The following TNIK variants were observed in gnomAD, a reference collection of about 807,000 sequenced individuals.
TNIK encodes the protein TRAF2 and NCK-interacting protein kinase.
Under a neutral mutation model 191.3 loss-of-function variants are expected in TNIK, and 49 were observed. The observed-to-expected ratio is 0.26, with a 90% CI of 0.20 to 0.32. TNIK has a LOEUF of 0.32. Among genes scored for constraint, TNIK ranks in the 10% least tolerant of loss-of-function variants. TNIK has a pLI of 1.00. For missense variants in TNIK, 1,155 were observed against 1,702.3 expected, an observed-to-expected ratio of 0.68 and a Z score of 5.66; for synonymous variants, 594 against 600.9, an observed-to-expected ratio of 0.99 and a Z score of 0.17.
At chr3:171,323,980 A>G (rs1755464400) in intron 2 of TNIK, among the ~76,000 whole-genome samples, 1 of 152,092 alleles carries the variant, frequency 6.6e-6, no homozygotes, top group Non-Finnish European at 1.5e-5. Context: ...TCCACAGAAA[A>G]CAGAAATGAA....
Position 171,084,188 on chromosome 3 carries a change from A to T in TNIK, c.3136T>A (p.Phe1046Ile). The change falls in exon 26 of 33, where the codon TTC (phenylalanine) becomes ATC (isoleucine). Residue 1046 changes from phenylalanine (F) to isoleucine (I), a missense_variant. Around this residue, in one of 3 missense-constraint regions of TNIK, gnomAD observed 195 missense variants for 415.4 expected, o/e 0.47. Coordinates refer to ENST00000436636, the MANE Select transcript of TNIK (RefSeq NM_015028.4). ...GCTGCACAAAGTATTTCTGAGTTGA[A>T]TCGTTTCTTGTATTTTCTGATTTCT... ...TPEIRKYKKR[F>I]NSEILCAALW... is the part of the protein sequence containing the mutation. 6.2e-7 allele frequency: 1 copy of T among 1,613,116 alleles called. No individual in the cohort carries two copies.
chr3:171,359,673 T>A (rs900864879), intron 2 of TNIK, among the ~76,000 whole-genome samples: 18 of 152,202 alleles, frequency 1.2e-4, no homozygotes, highest in Admixed American at 1.2e-3. Flanking sequence ...CAGCAGATAT[T>A]TCTTTTTGCA....
chr3:171,110,757 C>T lies in TNIK; in HGVS notation c.2241G>A (p.Gln747=), dbSNP rs560337583. 2.2e-5 allele frequency: 35 copies of T among 1,602,420 alleles called. No individual in the cohort carries two copies. The East Asian group carries it at 6.7e-4, about 31-fold the overall frequency. ...SSQPSSQGGS[Q]PGSQAGSSER... is the part of the protein sequence containing the mutation. ...CACTGGATCCTGCTTGTGATCCAGG[C>T]TGGGAGCCTCCTTGGGAGCTGGGCT... Residue 747 remains glutamine, a synonymous_variant, in exon 19 of 33, where the codon CAG becomes CAA. Coordinates refer to ENST00000436636, the MANE Select transcript of TNIK (RefSeq NM_015028.4).
chr3:171,103,226 C>T (rs755146321), intron 21 of TNIK, among the ~76,000 whole-genome samples: 78 of 152,056 alleles, frequency 5.1e-4, no homozygotes, highest in Middle Eastern at 6.8e-3. Flanking sequence ...GCCTCAATCT[C>T]GGTGAATGTA....
chr3:171,100,258 GGCAATTTAAT>G (rs1185782338), intron 22 of TNIK, among the ~76,000 whole-genome samples: 1 of 152,098 alleles, frequency 6.6e-6, no homozygotes, highest in Non-Finnish European at 1.5e-5. Context: ...CTTTTAAAAA[GGCAATTTAAT>G]GCAATTTGTT....
chr3:171,341,194 C>T (rs377024755), intron 2 of TNIK, among the ~76,000 whole-genome samples: 74 of 152,052 alleles, frequency 4.9e-4, no homozygotes, highest in Admixed American at 2.1e-3. Flanking sequence ...TATTTTGGGC[C>T]GGGCACAGTG....
chr3:171,239,970 G>A (rs1173890944), intron 2 of TNIK, among the ~76,000 whole-genome samples: 3 of 152,174 alleles, frequency 2.0e-5, no homozygotes, highest in African/African-American at 7.2e-5. Flanking sequence ...AACAAGGGCT[G>A]TTTTAAGTAA....
At chr3:171,349,234 G>C (rs1712749709) in intron 2 of TNIK, among the ~76,000 whole-genome samples, 1 of 152,164 alleles carries the variant, frequency 6.6e-6, no homozygotes, top group Admixed American at 6.6e-5. Context: ...ATTTTGGATA[G>C]TGGTCTGAGT....
chr3:171,111,286 G>A (rs972874126), intron 18 of TNIK, among the ~76,000 whole-genome samples: 1 of 152,024 alleles, frequency 6.6e-6, no homozygotes, highest in African/African-American at 2.4e-5. Flanking sequence ...ATAGTGGCAT[G>A]TGCCTGTCCT....
intron 2 of TNIK, among the ~76,000 whole-genome samples, chr3:171,283,643 T>C (rs1577348003): frequency 1.3e-5 from 2 of 152,154 alleles, no homozygotes; most frequent in South Asian, 4.1e-4. Context: ...GAAGAAACCT[T>C]ACAGGTCCAG....
chr3:171,201,562 T>C (rs1739406430), intron 4 of TNIK, among the ~76,000 whole-genome samples: 1 of 152,218 alleles, frequency 6.6e-6, no homozygotes, highest in Non-Finnish European at 1.5e-5. Flanking sequence ...GCATGATTTA[T>C]GATGGTGGAA....
rs144585158 is a variant in TNIK at position 171,446,020 on chromosome 3, G to A, written c.57+13987C>T. ...TGATAAGTTATCAAGCAGAGTCATC[G>A]AGTGCAGATATGATCTAATTCTGCC... On this transcript the variant is annotated intron_variant, in intron 1 of 32. Coordinates refer to ENST00000436636, the MANE Select transcript of TNIK (RefSeq NM_015028.4). 1.4e-4 allele frequency among the ~76,000 whole-genome samples: 21 copies of A among 152,272 alleles called. No homozygotes were observed. In the East Asian group the frequency reaches 3.3e-3, roughly 24 times the overall value.
chr3:171,129,962 C>CT (rs1729019796), intron 15 of TNIK, among the ~76,000 whole-genome samples: 1 of 152,166 alleles, frequency 6.6e-6, no homozygotes, highest in Non-Finnish European at 1.5e-5. Context: ...GACTGTTGTG[C>CT]TTCCCAAAGC....
intron 2 of TNIK, among the ~76,000 whole-genome samples, chr3:171,259,590 C>T (rs992485665): frequency 5.3e-5 from 8 of 152,064 alleles, no homozygotes; most frequent in African/African-American, 1.9e-4. Flanking sequence ...AAGAAATAAC[C>T]CAATAGATTA....
chr3:171,386,608 G>C (rs941525772), intron 1 of TNIK, among the ~76,000 whole-genome samples: 2 of 152,142 alleles, frequency 1.3e-5, no homozygotes, highest in Non-Finnish European at 2.9e-5. Context: ...CACAATAAAT[G>C]CTTCTTATTT....
At chr3:171,186,286 C>T (rs911321044) in intron 7 of TNIK, among the ~76,000 whole-genome samples, 7 of 152,190 alleles carry the variant, frequency 4.6e-5, no homozygotes, top group Non-Finnish European at 5.9e-5. Context: ...TCAGCATCTT[C>T]TCTGGCCCAC....
At chr3:171,192,355 CA>C (rs1738162874) in intron 5 of TNIK, among the ~76,000 whole-genome samples, 1 of 152,088 alleles carries the variant, frequency 6.6e-6, no homozygotes, top group African/African-American at 2.4e-5. Context: ...GGAAGTGAGC[CA>C]AAAGTTCTTT....
intron 2 of TNIK, among the ~76,000 whole-genome samples, chr3:171,341,748 GC>G (rs1757559190): frequency 6.6e-6 from 1 of 152,058 alleles, no homozygotes; most frequent in African/African-American, 2.4e-5. Context: ...TATCCTTATG[GC>G]AGTTACAGTC....
At chr3:171,300,601 A>G (rs1406524620) in intron 2 of TNIK, among the ~76,000 whole-genome samples, 1 of 152,216 alleles carries the variant, frequency 6.6e-6, no homozygotes, top group East Asian at 1.9e-4. Flanking sequence ...GCATGCTGAT[A>G]AAACTCACAG....
Sources: gnomAD v4.1 joint callset for allele counts (sites outside exome capture counted in the v4.1 genomes callset) on GRCh38, gnomAD v4.1.1 for gene constraint, gnomAD v4.1.1 regional missense constraint, MANE v1.5 for transcripts, NCBI Gene and HGNC (gene_info 2026-07-23, HGNC 2026-07-21) for gene names.